The following NAV2 variants were observed in gnomAD, a reference collection of about 807,000 sequenced individuals.
NAV2 encodes helicase, APC down-regulated 1.
A neutral mutation model predicts 223.2 loss-of-function variants in NAV2; 54 were observed. That is an observed-to-expected ratio of 0.24 (90% CI 0.19 to 0.30). NAV2 has a LOEUF of 0.30. NAV2 is among the 10% of genes least tolerant of loss of function. The pLI is 1.00. For synonymous variants in NAV2, 1,279 were observed against 1,239.3 expected (o/e 1.03, Z -0.67); for missense variants, 2,806 against 3,147.5 (o/e 0.89, Z 2.60).
At chr11:19,586,501 T>G (rs2045901242) in intron 1 of NAV2, among the ~76,000 whole-genome samples, 1 of 152,340 alleles carries the variant, frequency 6.6e-6, no homozygotes, top group Non-Finnish European at 1.5e-5. Flanking sequence ...TTTCCCCATC[T>G]TTGTGGTTTT....
chr11:19,656,179 C>A (rs1385570037), intron 1 of NAV2, among the ~76,000 whole-genome samples: 1 of 152,188 alleles, frequency 6.6e-6, no homozygotes, highest in Non-Finnish European at 1.5e-5. Context: ...ATAGAAATGA[C>A]AAAATGCAGA....
At chr11:19,747,322 T>C (rs2053455628) in intron 1 of NAV2, among the ~76,000 whole-genome samples, 1 of 152,224 alleles carries the variant, frequency 6.6e-6, no homozygotes, top group East Asian at 1.9e-4. Context: ...TGAACACTCA[T>C]TATGTCTCAA....
intron 1 of NAV2, chr11:19,351,101 G>T (rs1853280824): frequency 3.6e-6 from 5 of 1,392,998 alleles, no homozygotes; most frequent in Non-Finnish European, 3.0e-6. Context: ...AGCATAGGTG[G>T]TCATCATCGA....
At chr11:19,458,797 C>T (rs2133843452) in intron 1 of NAV2, among the ~76,000 whole-genome samples, 1 of 152,352 alleles carries the variant, frequency 6.6e-6, no homozygotes, top group South Asian at 2.1e-4. Context: ...CCCCTCATAC[C>T]ACCTTTCTAG....
At chr11:19,590,459 G>A (rs891392985) in intron 1 of NAV2, among the ~76,000 whole-genome samples, 2 of 152,126 alleles carry the variant, frequency 1.3e-5, no homozygotes, top group African/African-American at 4.8e-5. Context: ...AGGCACCTCT[G>A]CAGAACCTTT....
chr11:20,056,914 A>T (rs1346105126), intron 19 of NAV2, among the ~76,000 whole-genome samples: 1 of 152,240 alleles, frequency 6.6e-6, no homozygotes, highest in South Asian at 2.1e-4. Context: ...TAACACAATA[A>T]TGTTATTACA....
Position 19,483,700 on chromosome 11 carries a change from G to A in NAV2, c.75+132673G>A, listed in dbSNP as rs2632024. ...TAAGTGCTTCACTAAGATGGAAAAG[G>A]TATTAAGTTTTTTGGCAGATGACAT... On this transcript the variant is annotated intron_variant, in intron 1 of 37. Transcript: ENST00000360655. Among the ~76,000 whole-genome samples the A allele has an allele frequency of 7.2e-5, 11 of 152,302 alleles. No homozygotes were observed. In the Middle Eastern group the frequency reaches 0.01, roughly 141 times the overall value.
At chr11:19,937,045 T>C (rs1035869378) in intron 7 of NAV2, among the ~76,000 whole-genome samples, 2 of 151,978 alleles carry the variant, frequency 1.3e-5, no homozygotes, top group African/African-American at 4.8e-5. Flanking sequence ...GGCTGAGGCA[T>C]GAGAATCCCT....
chr11:19,521,371 G>A, intron 1 of NAV2, among the ~76,000 whole-genome samples: 1 of 152,214 alleles, frequency 6.6e-6, no homozygotes, highest in East Asian at 1.9e-4. Context: ...AGAGAGCCAA[G>A]CTTTGAGGAG....
chr11:19,907,533 G>GGGGT (rs2042974301), intron 6 of NAV2, among the ~76,000 whole-genome samples: 1 of 152,070 alleles, frequency 6.6e-6, no homozygotes, highest in Non-Finnish European at 1.5e-5. Context: ...ATAGGGGGAG[G>GGGGT]GGGAATTTGA....
At chr11:19,581,371 GT>G (rs899199316) in intron 1 of NAV2, among the ~76,000 whole-genome samples, 16 of 151,822 alleles carry the variant, frequency 1.1e-4, no homozygotes, top group African/African-American at 2.7e-4. Context: ...TAAATTTAAG[GT>G]TTTTTTTATT....
chr11:19,927,795 T>C (rs1416445455), intron 6 of NAV2, among the ~76,000 whole-genome samples: 2 of 152,204 alleles, frequency 1.3e-5, no homozygotes, highest in African/African-American at 4.8e-5. Context: ...TTATACATAA[T>C]AAGAGTATAT....
chr11:19,917,969 T>C (rs912624517), intron 6 of NAV2, among the ~76,000 whole-genome samples: 1 of 152,210 alleles, frequency 6.6e-6, no homozygotes, highest in Non-Finnish European at 1.5e-5. Context: ...AGGCTATAGC[T>C]TCCCCATTGG....
At chr11:19,587,145 G>A (rs188780535) in intron 1 of NAV2, among the ~76,000 whole-genome samples, 7 of 152,296 alleles carry the variant, frequency 4.6e-5, no homozygotes, top group Admixed American at 1.3e-4. Flanking sequence ...CTAGCAATGA[G>A]CAAGGCTCTG....
At chr11:20,046,596 TCA>T (rs61668060) in intron 14 of NAV2, among the ~76,000 whole-genome samples, 90 of 145,970 alleles carry the variant, frequency 6.2e-4, no homozygotes, top group Non-Finnish European at 8.4e-4. Context: ...CCCCTCCCCA[TCA>T]CACACACACA....
rs190186708 is a variant in NAV2 at position 19,516,716 on chromosome 11, C to T, written c.75+165689C>T. 2.4e-4 allele frequency among the ~76,000 whole-genome samples: 36 copies of T among 152,242 alleles called. 1 individual carries two copies. Among genetic ancestry groups the T allele is most frequent in the South Asian group, 4.1e-4 (2 of 4,824 alleles). ...AGACAGAGAGTAGGAGAAATGAGGA[C>T]GGCAATAAAGCCAAGGGACTTCCTG... is the stretch of plus-strand genomic sequence containing the variant. On this transcript the variant is annotated intron_variant, in intron 1 of 37. Coordinates refer to the NAV2 transcript ENST00000360655.
intron 1 of NAV2, among the ~76,000 whole-genome samples, chr11:19,382,366 T>G (rs1848874181): frequency 6.6e-6 from 1 of 152,210 alleles, no homozygotes; most frequent in South Asian, 2.1e-4. Context: ...TTGTTGCCAG[T>G]GACCTTCGAC....
chr11:20,020,502 A>T (rs1167034563), intron 11 of NAV2, among the ~76,000 whole-genome samples: 1 of 152,164 alleles, frequency 6.6e-6, no homozygotes, highest in East Asian at 1.9e-4. Flanking sequence ...CCTTATCCCT[A>T]CTAATTATTA....
chr11:19,808,389 C>T (rs1294865538), intron 1 of NAV2, among the ~76,000 whole-genome samples: 1 of 152,132 alleles, frequency 6.6e-6, no homozygotes, highest in Non-Finnish European at 1.5e-5. Context: ...AAAGCGGGGT[C>T]ACAAGAGCTA....
Sources: allele counts gnomAD v4.1 joint callset (sites outside exome capture counted in the v4.1 genomes callset), GRCh38; gene constraint gnomAD v4.1.1; transcripts MANE v1.5; gene names NCBI Gene and HGNC (gene_info 2026-07-23, HGNC 2026-07-21).